The following PRR16 variants were observed in gnomAD, a reference collection of about 807,000 sequenced individuals.
PRR16 encodes the protein protein Largen.
Under a neutral mutation model 18.2 loss-of-function variants are expected in PRR16, and 6 were observed. The observed-to-expected ratio is 0.33, with a 90% CI of 0.18 to 0.65. The LOEUF (loss-of-function observed/expected upper bound fraction) is 0.65, where lower values mean the gene tolerates loss of function less well. Ranked by LOEUF, PRR16 falls within the 30% of genes least tolerant of loss-of-function variation. The pLI, the probability that PRR16 is intolerant of heterozygous loss-of-function variation, is 0.74. For missense variants in PRR16, 412 were observed against 376.6 expected, an observed-to-expected ratio of 1.09 and a Z score of -0.78; for synonymous variants, 151 against 147.8, an observed-to-expected ratio of 1.02 and a Z score of -0.16.
the PRR16 span, among the ~76,000 whole-genome samples, chr5:120,737,314 T>G: frequency 3.4e-5 from 2 of 58,864 alleles, no homozygotes; most frequent in Admixed American, 1.5e-4. Flanking sequence ...TGAGTTTTTT[T>G]TTTTTTTTTT....
intron 1 of PRR16, chr5:120,481,107 A>C (rs1187290151): frequency 1.7e-6 from 2 of 1,184,458 alleles, no homozygotes; most frequent in African/African-American, 3.2e-5. Context: ...TGAATTTTCA[A>C]ATTAAACACA....
chr5:120,497,117 C>T (rs191763507), intron 1 of PRR16, among the ~76,000 whole-genome samples: 8 of 152,210 alleles, frequency 5.3e-5, no homozygotes, highest in Admixed American at 4.6e-4. Flanking sequence ...TGTTTCACGG[C>T]TCAGAATATG....
At chr5:120,602,173 A>G (rs1447482584) in intron 1 of PRR16, among the ~76,000 whole-genome samples, 1 of 152,072 alleles carries the variant, frequency 6.6e-6, no homozygotes, top group South Asian at 2.1e-4. Flanking sequence ...TTCTTTTAAC[A>G]ATATTGATTC....
chr5:120,779,621 A>G, the PRR16 span, among the ~76,000 whole-genome samples: 3 of 152,188 alleles, frequency 2.0e-5, no homozygotes, highest in Non-Finnish European at 4.4e-5. Context: ...TGGGTCTTTT[A>G]GCATTTATAC....
chr5:120,623,039 T>C (rs1209060819), intron 1 of PRR16, among the ~76,000 whole-genome samples: 3 of 152,094 alleles, frequency 2.0e-5, no homozygotes, highest in Non-Finnish European at 2.9e-5. Context: ...CGAAAGGTAA[T>C]ATAAAGTAAT....
the PRR16 span, among the ~76,000 whole-genome samples, chr5:120,721,255 C>G: frequency 2.0e-5 from 3 of 151,974 alleles, no homozygotes; most frequent in South Asian, 4.1e-4. Context: ...CTTGTTGAAG[C>G]TCATCTTAGG....
intron 1 of PRR16, among the ~76,000 whole-genome samples, chr5:120,582,870 G>A (rs1028053203): frequency 6.6e-6 from 1 of 152,200 alleles, no homozygotes; most frequent in Admixed American, 6.5e-5. Context: ...ATTTATTGGT[G>A]CATAATAAAT....
At chr5:120,487,460 G>C (rs537322126) in intron 1 of PRR16, among the ~76,000 whole-genome samples, 1 of 152,120 alleles carries the variant, frequency 6.6e-6, no homozygotes, top group Non-Finnish European at 1.5e-5. Context: ...TCTGTTATTG[G>C]TGTATAAGAA....
the PRR16 span, among the ~76,000 whole-genome samples, chr5:120,717,678 C>T: frequency 2.6e-5 from 4 of 152,096 alleles, no homozygotes; most frequent in East Asian, 7.7e-4. Context: ...GAGCATTGTG[C>T]TATATTTTCT....
chr5:120,601,791 G>A (rs1472005457), intron 1 of PRR16, among the ~76,000 whole-genome samples: 1 of 152,004 alleles, frequency 6.6e-6, no homozygotes, highest in Non-Finnish European at 1.5e-5. Flanking sequence ...TGACTAGCCA[G>A]TTACCCCAGC....
upstream of PRR16, chr5:120,464,290 G>T: frequency 2.5e-6 from 1 of 395,252 alleles, no homozygotes; most frequent in Non-Finnish European, 4.2e-6. Flanking sequence ...GCCGAGCGCC[G>T]CGTCTCGGGA....
chr5:120,766,133 C>T, the PRR16 span, among the ~76,000 whole-genome samples: 7 of 151,828 alleles, frequency 4.6e-5, no homozygotes, highest in East Asian at 1.9e-4. Flanking sequence ...AAATGGAATC[C>T]GTGAGTTTTG....
intron 1 of PRR16, among the ~76,000 whole-genome samples, chr5:120,585,549 T>C (rs1205766089): frequency 2.0e-5 from 3 of 151,566 alleles, no homozygotes; most frequent in Non-Finnish European, 2.9e-5. Flanking sequence ...AACCCAGGAA[T>C]TGGAGGATGC....
Position 120,686,123 on chromosome 5 carries a change from CGTCTGCT to C in PRR16, c.330_336del (p.Ala112SerfsTer4). ...CCGCTTATTAAACCCCCAGCACACCCGTCTGCTATCCTCACGGTCCTGAGAAAGCCAA... is the reference window on the plus strand; with the variant it reads ...CCGCTTATTAAACCCCCAGCACACCCATCCTCACGGTCCTGAGAAAGCCAA... On this transcript the variant is annotated frameshift_variant, in exon 2 of 2. Transcript: ENST00000407149. LOFTEE classifies it high-confidence loss of function. The C allele has an allele frequency of 1.2e-6, 2 of 1,614,110 alleles. No individual in the cohort carries two copies. The highest frequency in any genetic ancestry group is 1.7e-6 in the Non-Finnish European group (2 of 1,180,014).
chr5:120,478,556 C>A (rs1159506274), intron 1 of PRR16, among the ~76,000 whole-genome samples: 1 of 152,116 alleles, frequency 6.6e-6, no homozygotes, highest in Non-Finnish European at 1.5e-5. Flanking sequence ...CACCTCCCAA[C>A]CAGTGGCTCC....
the PRR16 span, among the ~76,000 whole-genome samples, chr5:120,717,101 G>A: frequency 6.6e-6 from 1 of 151,806 alleles, no homozygotes; most frequent in South Asian, 2.1e-4. Context: ...ATGTTAAGTT[G>A]TTTTATTATA....
chr5:120,668,594 G>A (rs145849824), intron 1 of PRR16, among the ~76,000 whole-genome samples: 6 of 152,094 alleles, frequency 3.9e-5, no homozygotes, highest in African/African-American at 7.2e-5. Context: ...AGCTGGTACC[G>A]GTTGTTCCTT....
intron 1 of PRR16, among the ~76,000 whole-genome samples, chr5:120,565,105 G>A (rs1752695273): frequency 6.6e-6 from 1 of 151,844 alleles, no homozygotes; most frequent in Non-Finnish European, 1.5e-5. Flanking sequence ...TTGCAGTGCA[G>A]ACACATGGTA....
chr5:120,728,031 G>C, the PRR16 span, among the ~76,000 whole-genome samples: 1 of 151,906 alleles, frequency 6.6e-6, no homozygotes, highest in Admixed American at 6.6e-5. Context: ...AGTAGGGGCA[G>C]TGTTTGTGAT....
Sources: gnomAD v4.1 joint callset for allele counts (sites outside exome capture counted in the v4.1 genomes callset) on GRCh38, gnomAD v4.1.1 for gene constraint, MANE v1.5 for transcripts, NCBI Gene and HGNC (gene_info 2026-07-23, HGNC 2026-07-21) for gene names.